The following UBTF variants were observed in gnomAD, a reference collection of about 807,000 sequenced individuals.
The protein encoded by UBTF is upstream binding transcription factor, also known as nucleolar transcription factor 1.
In UBTF, 8 loss-of-function variants were observed where a neutral mutation model predicts 112.3. The ratio of observed to expected loss-of-function variants is 0.07; its 90% CI spans 0.04 to 0.13. The LOEUF (loss-of-function observed/expected upper bound fraction) is 0.13, where lower values mean the gene tolerates loss of function less well. UBTF is among the 10% of genes least tolerant of loss of function. The pLI, the probability that UBTF is intolerant of heterozygous loss-of-function variation, is 1.00. For synonymous variants in UBTF, 417 were observed against 373.1 expected, an observed-to-expected ratio of 1.12 and a Z score of -1.36; for missense variants, 457 against 982.1, an observed-to-expected ratio of 0.47 and a Z score of 7.15.
At position 44,207,116 on chromosome 17, in the gene UBTF, A is replaced by T. The variant is rs1351830417; in HGVS notation, c.*126T>A. The T allele has an allele frequency of 2.1e-3, 1,868 of 869,300 alleles. 3 individuals are homozygous for T. Among genetic ancestry groups the T allele is most frequent in the Non-Finnish European group, 2.7e-3 (1,609 of 596,004 alleles). 53.8% of individuals were successfully genotyped at this position (869,300 alleles called of 1,614,324 possible). ...CCCCACCGTATTTTTTTTTTTTTTT[A>T]AAGAAAGAAAGAAAGTGGGGGAGGC... On this transcript the variant is annotated 3_prime_UTR_variant, in exon 21 of 21. Transcript: ENST00000436088.
chr17:44,218,091 C>A (rs1052642432), intron 2 of UBTF, 81 bp downstream of exon 2: 1 of 1,401,202 alleles, frequency 7.1e-7, no homozygotes. Context: ...ACTGAAAAAG[C>A]CCTTGAAGAA....
chr17:44,220,091 G>A (rs1233505079), upstream of UBTF, among the ~76,000 whole-genome samples: 1 of 147,676 alleles, frequency 6.8e-6, no homozygotes, highest in Non-Finnish European at 1.5e-5. Context: ...GGGAAGGGGG[G>A]GGGGGCCGGG....
chr17:44,215,521 GACCTATT>G, intron 5 of UBTF, 126 bp downstream of exon 5: 1 of 1,141,120 alleles, frequency 8.8e-7, no homozygotes, highest in Non-Finnish European at 1.3e-6. Context: ...GGCTGCCCAG[GACCTATT>G]CTGCTGTGCT....
chr17:44,220,832 C>A (rs1050947183), upstream of UBTF: 1 of 152,148 alleles, frequency 6.6e-6, no homozygotes, highest in Non-Finnish European at 1.5e-5. Flanking sequence ...GACGCCGGGG[C>A]AGCGAGTCGC....
At position 44,207,319 on chromosome 17, in the gene UBTF, C is replaced by G; in HGVS notation, c.2218G>C (p.Asp740His). 1 of 1,612,726 alleles carries G rather than the reference C, an allele frequency of 6.2e-7. No individual in the cohort carries two copies. Among genetic ancestry groups the G allele is most frequent in the South Asian group, 1.1e-5 (1 of 90,794 alleles). Reference protein sequence around the residue: ...DEDDDEDDDEDEDNESEGSSS... With the variant: ...DEDDDEDDDEHEDNESEGSSS... ...CTGCCCTCGGACTCATTATCTTCAT[C>G]CTCATCGTCATCCTCGTCGTCGTCT... The change falls in exon 21 of 21, where the codon GAT becomes CAT. Residue 740 changes from aspartate to histidine, a missense_variant. Around this residue, in one of 7 missense-constraint regions of UBTF, gnomAD observed 139 missense variants for 157.5 expected, o/e 0.88. Transcript: ENST00000436088.
At chr17:44,215,482 T>C in intron 5 of UBTF, 172 bp downstream of exon 5, 3 of 752,206 alleles carry the variant, frequency 4.0e-6, no homozygotes, top group Non-Finnish European at 6.4e-6. Context: ...CCTGACCATG[T>C]GTGGGCCGAG....
Position 44,209,687 on chromosome 17 carries a change from G to A in UBTF, c.1673C>T (p.Ser558Phe). ...TTCTCCCTGGAATTTCATCTTCTTG[G>A]AAGAATTTGTAGCAGCTGGAGGTGC... ...MRAPPAATNS[S>F]KKMKFQGEPK... The change falls in exon 16 of 21, where the codon TCC becomes TTC. Residue 558 changes from serine to phenylalanine, a missense_variant. Coordinates refer to ENST00000436088, the MANE Select transcript of UBTF (RefSeq NM_014233.4). 3.1e-6 allele frequency: 5 copies of A among 1,614,174 alleles called. No individual in the cohort carries two copies. The highest frequency in any genetic ancestry group is 4.2e-6 in the Non-Finnish European group (5 of 1,180,032).
rs2269908 is a variant in UBTF, at chr17:44,216,830, G to C, written c.59-126C>G. ...AGCCCCTGGTTGCTTCCCATCTGAA[G>C]GCACAGACAAGATATGGCTCAGCCC... On this transcript the variant is annotated intron_variant, in intron 2 of 20. Transcript: ENST00000436088. 0.4 allele frequency: 369,780 copies of C among 920,176 alleles called. 85,544 individuals are homozygous for C. Among genetic ancestry groups the C allele is most frequent in the African/African-American group, 0.87 (53,507 of 61,328 alleles). The allele number at this position is 920,176 out of a possible 1,614,324, so 57.0% of individuals were successfully genotyped here.
chr17:44,211,873 G>A lies in UBTF; in HGVS notation c.905C>T (p.Pro302Leu), dbSNP rs1361768208. ...CCACCCATCCCAGGGCAGCGCTCAC[G>A]GAGGTGGCTTGGTGGGTCGCCCGTC... is the stretch of plus-strand genomic sequence containing the variant. ...KFDGRPTKPP[P>L]NSYSLYCAEL... The change falls in exon 9 of 21, where the codon CCG becomes CTG. Residue 302 changes from proline (P) to leucine (L), a missense_variant and splice_region_variant. Physicochemically the swap from Pro to Leu is moderately conservative, Grantham distance 98 (BLOSUM62 -3). Around this residue, in one of 7 missense-constraint regions of UBTF, gnomAD observed 87 missense variants for 286.6 expected, o/e 0.30. Transcript: ENST00000436088. This position sits in a 1 kb window ranked among gnomAD's most constrained non-coding sequence, Gnocchi z 4.9. 1.2e-6 allele frequency: 2 copies of A among 1,613,134 alleles called. No individual in the cohort carries two copies. Among genetic ancestry groups the A allele is most frequent in the Non-Finnish European group, 1.7e-6 (2 of 1,179,914 alleles).
intron 17 of UBTF, chr17:44,208,729 C>T (rs998600470): frequency 2.2e-5 from 4 of 180,074 alleles, no homozygotes; most frequent in South Asian, 1.5e-4. Flanking sequence ...TCTGACTACT[C>T]AACCAAAGCA....
chr17:44,217,009 G>A (rs181589446), intron 2 of UBTF, among the ~76,000 whole-genome samples: 1 of 152,308 alleles, frequency 6.6e-6, no homozygotes, highest in Admixed American at 6.5e-5. Flanking sequence ...TTGCTGTAAG[G>A]GGAAGAGGGG....
rs767863455 is a variant in UBTF, at chr17:44,211,199, T to G, written c.1090-47A>C. ...GGGGCTGCATGCCTGGCACCCAGAC[T>G]GCATGGTGCCCTATCTCCAGGGGCT... On this transcript the variant is annotated intron_variant, in intron 11 of 20. Coordinates refer to ENST00000436088, the MANE Select transcript of UBTF (RefSeq NM_014233.4). This position sits in a 1 kb window ranked among gnomAD's most constrained non-coding sequence, Gnocchi z 4.9. 6 of 1,612,436 alleles carry G rather than the reference T, an allele frequency of 3.7e-6. No homozygotes were observed. Among genetic ancestry groups the G allele is most frequent in the Non-Finnish European group, 5.1e-6 (6 of 1,179,014 alleles).
intron 3 of UBTF, 70 bp downstream of exon 3, chr17:44,216,459 G>A: frequency 1.3e-6 from 2 of 1,561,524 alleles, no homozygotes; most frequent in Admixed American, 1.7e-5. Flanking sequence ...CCTGTTTACA[G>A]CCTGTTTCAC....
intron 17 of UBTF, 144 bp from the exon 18 acceptor site, chr17:44,208,055 C>T (rs2056381531): frequency 1.2e-6 from 1 of 819,572 alleles, no homozygotes; most frequent in Admixed American, 2.8e-5. Context: ...TTTTGGGTCT[C>T]TGCAGAGAGC....
At chr17:44,218,096 G>C in intron 2 of UBTF, 76 bp downstream of exon 2, 4 of 1,458,076 alleles carry the variant, frequency 2.7e-6, no homozygotes, top group Non-Finnish European at 3.8e-6. Context: ...AAAAGCCCTT[G>C]AAGAAGGGAG....
At position 44,206,943 on chromosome 17, in the gene UBTF, C is replaced by A; in HGVS notation, c.*299G>T. ...CCACTCTCCGGTCCATTGTCCATGC[C>A]GGAACCGCAAGTGCAGAAGTGGGTG... On this transcript the variant is annotated 3_prime_UTR_variant, in exon 21 of 21. Transcript: ENST00000436088. The A allele has an allele frequency of 4.0e-6, 2 of 496,588 alleles. No individual in the cohort carries two copies. The highest frequency in any genetic ancestry group is 2.0e-5 in the African/African-American group (1 of 50,818). 30.8% of individuals were successfully genotyped at this position (496,588 alleles called of 1,614,324 possible). A position where few individuals can be genotyped will look rare whatever the true frequency, so the allele number is the denominator to read the frequency against.
intron 5 of UBTF, among the ~76,000 whole-genome samples, chr17:44,214,976 T>C (rs1468906188): frequency 6.6e-6 from 1 of 152,220 alleles, no homozygotes; most frequent in Non-Finnish European, 1.5e-5. Flanking sequence ...GACTGAGCCC[T>C]GCCTGGGAGG....
chr17:44,220,268 T>G (rs2047119571), upstream of UBTF, among the ~76,000 whole-genome samples: 1 of 150,660 alleles, frequency 6.6e-6, no homozygotes, highest in Non-Finnish European at 1.5e-5. Flanking sequence ...GCCCCCGGCG[T>G]CCGGGGAGGC....
In UBTF at chr17:44,218,224, G is replaced by A. The variant is rs1313893882; in HGVS notation, c.6C>T (p.Asn2=). Residue 2 remains asparagine (N), a synonymous_variant, in exon 2 of 21, where the codon AAC becomes AAT. Transcript: ENST00000436088. M[N]GEADCPTDLE... is the part of the protein sequence containing the mutation. ...GGTCTGTGGGGCAGTCGGCTTCTCC[G>A]TTCATCCTCCAGCTGTCCAGCCACC... 2 of 1,611,798 alleles carry A rather than the reference G, an allele frequency of 1.2e-6. No individual in the cohort carries two copies. Among genetic ancestry groups the A allele is most frequent in the East Asian group, 2.2e-5 (1 of 44,716 alleles).
Sources: gnomAD v4.1 joint callset for allele counts (sites outside exome capture counted in the v4.1 genomes callset) on GRCh38, gnomAD v4.1.1 for gene constraint, gnomAD v4.1.1 regional missense constraint, Gnocchi (gnomAD v3.1) non-coding constraint, MANE v1.5 for transcripts, NCBI Gene and HGNC (gene_info 2026-07-23, HGNC 2026-07-21) for gene names.